The following TAFA5 variants were observed in gnomAD, a reference collection of about 807,000 sequenced individuals.
TAFA5 encodes chemokine-like protein TAFA-5.
TAFA5 carries 6 observed loss-of-function variants against 15.3 expected under a neutral mutation model. The ratio of observed to expected loss-of-function variants is 0.39; its 90% confidence interval spans 0.21 to 0.77. TAFA5 has a LOEUF of 0.77. Ranked by LOEUF, TAFA5 falls within the 30% of genes least tolerant of loss-of-function variation. TAFA5 has a pLI of 0.41. For missense variants in TAFA5, 161 were observed against 193.1 expected (o/e 0.83, Z 0.98); for synonymous variants, 103 against 80.7 (o/e 1.28, Z -1.48).
chr22:48,589,091 C>T (rs1924465845), intron 1 of TAFA5, among the ~76,000 whole-genome samples: 1 of 152,226 alleles, frequency 6.6e-6, no homozygotes, highest in Non-Finnish European at 1.5e-5. Context: ...TTCAGACCCT[C>T]CTGTCCCCAG....
intron 1 of TAFA5, among the ~76,000 whole-genome samples, chr22:48,601,224 C>T (rs1034034319): frequency 1.1e-4 from 16 of 152,058 alleles, no homozygotes; most frequent in African/African-American, 1.7e-4. Context: ...TTCCAGCATC[C>T]GCTGGGGGTC....
chr22:48,550,918 G>T lies in TAFA5; in HGVS notation c.112+61214G>T, dbSNP rs1922832808. ...GGCAGACATTCCTAGTCCTGCTTGG[G>T]GCATCGTAAGATGGGCTGCTGTGGT... is the stretch of plus-strand genomic sequence containing the variant. On this transcript the variant is annotated intron_variant, in intron 1 of 3. Coordinates refer to ENST00000402357, the MANE Select transcript of TAFA5 (RefSeq NM_001082967.3). This position sits in a 1 kb window ranked among gnomAD's most constrained non-coding sequence, Gnocchi z 4.1. Among the ~76,000 whole-genome samples the T allele has an allele frequency of 6.6e-6, 1 of 151,948 alleles. No individual in the cohort carries two copies. Among genetic ancestry groups the T allele is most frequent in the East Asian group, 1.9e-4 (1 of 5,142 alleles).
intron 1 of TAFA5, among the ~76,000 whole-genome samples, chr22:48,568,047 A>G (rs530928491): frequency 6.6e-6 from 1 of 152,238 alleles, no homozygotes; most frequent in African/African-American, 2.4e-5. Flanking sequence ...CACGACCTCT[A>G]TTTTCTGGGT....
intron 2 of TAFA5, among the ~76,000 whole-genome samples, chr22:48,648,070 C>A (rs1307764687): frequency 6.6e-6 from 1 of 152,166 alleles, no homozygotes; most frequent in Non-Finnish European, 1.5e-5. Flanking sequence ...GCCAGTGGCC[C>A]CTCCAGTCCT....
intron 3 of TAFA5, among the ~76,000 whole-genome samples, chr22:48,719,672 G>A (rs1241144030): frequency 6.6e-6 from 1 of 152,164 alleles, no homozygotes; most frequent in Non-Finnish European, 1.5e-5. Context: ...AAGTGGCCGG[G>A]GACCCGCACC....
At chr22:48,549,530 G>C (rs1922789834) in intron 1 of TAFA5, among the ~76,000 whole-genome samples, 1 of 152,224 alleles carries the variant, frequency 6.6e-6, no homozygotes, top group Non-Finnish European at 1.5e-5. Context: ...GGCATTTGGA[G>C]AAGGGGACAC....
At chr22:48,631,936 G>C (rs1359914724) in intron 1 of TAFA5, among the ~76,000 whole-genome samples, 1 of 152,194 alleles carries the variant, frequency 6.6e-6, no homozygotes, top group East Asian at 1.9e-4. Context: ...ATGCAGACAT[G>C]CGTGCCCACC....
intron 1 of TAFA5, among the ~76,000 whole-genome samples, chr22:48,633,387 A>G (rs1926302550): frequency 6.6e-6 from 1 of 152,254 alleles, no homozygotes; most frequent in East Asian, 1.9e-4. Flanking sequence ...TGTTTGTGGA[A>G]TGTTCTTGAA....
chr22:48,597,321 CAT>C (rs1924802189), intron 1 of TAFA5, among the ~76,000 whole-genome samples: 1 of 147,294 alleles, frequency 6.8e-6, no homozygotes, highest in East Asian at 2.1e-4. Context: ...CCGGCTGGCT[CAT>C]ATGCAGAGTG....
At chr22:48,625,518 C>T (rs1191191137) in intron 1 of TAFA5, among the ~76,000 whole-genome samples, 1 of 152,244 alleles carries the variant, frequency 6.6e-6, no homozygotes, top group Non-Finnish European at 1.5e-5. Context: ...CCTTTATCAA[C>T]TCATGCACAG....
chr22:48,615,977 G>A (rs1322149198), intron 1 of TAFA5, among the ~76,000 whole-genome samples: 3 of 152,200 alleles, frequency 2.0e-5, no homozygotes, highest in Non-Finnish European at 2.9e-5. Context: ...GGTGGAGGCT[G>A]TGAAGAGCTG....
intron 1 of TAFA5, among the ~76,000 whole-genome samples, chr22:48,504,656 C>T (rs970542423): frequency 3.9e-5 from 6 of 152,206 alleles, no homozygotes; most frequent in African/African-American, 1.4e-4. Context: ...GTTTGGGGCT[C>T]ACCTGCCCCA....
At chr22:48,734,638 G>A (rs896795725) in intron 3 of TAFA5, among the ~76,000 whole-genome samples, 1 of 152,246 alleles carries the variant, frequency 6.6e-6, no homozygotes, top group Admixed American at 6.5e-5. Flanking sequence ...GACCATGTTT[G>A]GCAAAGTCCC....
intron 2 of TAFA5, among the ~76,000 whole-genome samples, chr22:48,677,883 A>C (rs1928025371): frequency 6.6e-6 from 1 of 151,702 alleles, no homozygotes; most frequent in Non-Finnish European, 1.5e-5. Context: ...TTGCTCCAAC[A>C]CTGTGGAGGT....
At chr22:48,541,432 C>G (rs533890955) in intron 1 of TAFA5, among the ~76,000 whole-genome samples, 1 of 152,248 alleles carries the variant, frequency 6.6e-6, no homozygotes, top group African/African-American at 2.4e-5. Flanking sequence ...CCCGTAGGAC[C>G]CAGACTTTTG....
intron 2 of TAFA5, among the ~76,000 whole-genome samples, chr22:48,657,441 C>G (rs913811676): frequency 6.6e-6 from 1 of 152,172 alleles, no homozygotes; most frequent in Non-Finnish European, 1.5e-5. Context: ...GTGAATTGGT[C>G]CAAACGCTTA....
At chr22:48,548,015 C>T (rs1922734437) in intron 1 of TAFA5, among the ~76,000 whole-genome samples, 2 of 152,186 alleles carry the variant, frequency 1.3e-5, no homozygotes, top group Non-Finnish European at 2.9e-5. Flanking sequence ...ATGTGTTCTT[C>T]CTGCCTGCGT....
intron 1 of TAFA5, among the ~76,000 whole-genome samples, chr22:48,514,401 ATAGATT>A (rs1275513467): frequency 1.3e-5 from 2 of 152,192 alleles, no homozygotes; most frequent in Admixed American, 6.5e-5. Context: ...TTCCTTCTTC[ATAGATT>A]TAATTTTGGT....
At chr22:48,687,200 G>A (rs116384979) in intron 2 of TAFA5, among the ~76,000 whole-genome samples, 10,393 of 151,506 alleles carry the variant, frequency 0.069, 819 homozygotes, top group East Asian at 0.41. Context: ...ATGGGAGGAT[G>A]GGTGGGTGGT....
Sources: allele counts gnomAD v4.1 joint callset (sites outside exome capture counted in the v4.1 genomes callset), GRCh38; gene constraint gnomAD v4.1.1; non-coding constraint Gnocchi (gnomAD v3.1); transcripts MANE v1.5; gene names NCBI Gene and HGNC (gene_info 2026-07-23, HGNC 2026-07-21).